TAOK3: variants seen among roughly 807,000 people sequenced by gnomAD.
The protein encoded by TAOK3 is serine/threonine-protein kinase TAO3.
TAOK3 carries 40 observed loss-of-function variants against 120.4 expected under a neutral mutation model. That is an observed-to-expected ratio of 0.33 (90% confidence interval 0.26 to 0.43). The LOEUF (loss-of-function observed/expected upper bound fraction) is 0.43, where lower values mean the gene tolerates loss of function less well. Among genes scored for constraint, TAOK3 ranks in the 20% least tolerant of loss-of-function variants. The pLI is 1.00. For synonymous variants in TAOK3, 355 were observed against 387.5 expected, an observed-to-expected ratio of 0.92 and a Z score of 0.99; for missense variants, 821 against 1,112.1, an observed-to-expected ratio of 0.74 and a Z score of 3.72.
At chr12:118,151,208 A>G in intron 20 of TAOK3, 50 bp from the exon 21 acceptor site, 2 of 1,593,506 alleles carry the variant, frequency 1.3e-6, no homozygotes, top group African/African-American at 1.3e-5. Flanking sequence ...CCTAACAGGC[A>G]CCCACGTGCA....
chr12:118,182,625 T>TATATA (rs35580550), intron 14 of TAOK3, among the ~76,000 whole-genome samples: 663 of 56,708 alleles, frequency 0.012, 1 homozygote, highest in Non-Finnish European at 0.016. Flanking sequence ...ATATATATAT[T>TATATA]TTTTTTTTTT....
chr12:118,244,687 C>G (rs11068882), intron 4 of TAOK3, among the ~76,000 whole-genome samples: 4,502 of 151,872 alleles, frequency 0.03, 187 homozygotes, highest in African/African-American at 0.093. Flanking sequence ...CGCCACCACG[C>G]CCGGCTAATT....
At position 118,160,120 on chromosome 12, in the gene TAOK3, C is replaced by G; in HGVS notation, c.2352+26G>C. 1 of 1,562,518 alleles carries G rather than the reference C, an allele frequency of 6.4e-7. No individual in the cohort carries two copies. The highest frequency in any genetic ancestry group is 1.7e-4 in the Middle Eastern group (1 of 5,956). ...TTCTTGATTCCCAAAGCTCTCGAAG[C>G]CGTGGCACCAAACCTAACCACTTAC... On this transcript the variant is annotated intron_variant, in intron 19 of 20. Coordinates refer to ENST00000392533, the MANE Select transcript of TAOK3 (RefSeq NM_016281.4). This position sits in a 1 kb window ranked among gnomAD's most constrained non-coding sequence, Gnocchi z 4.2.
intron 5 of TAOK3, among the ~76,000 whole-genome samples, chr12:118,241,035 T>C (rs1020031577): frequency 3.3e-5 from 5 of 149,396 alleles, no homozygotes; most frequent in African/African-American, 2.4e-5. Flanking sequence ...GTCTATATTA[T>C]ATAGAATGCA....
Position 118,173,160 on chromosome 12 carries a change from C to T in TAOK3, c.1696-500G>A, listed in dbSNP as rs185245477. On this transcript the variant is annotated intron_variant, in intron 16 of 20. Transcript: ENST00000392533. ...AGAAAAATTATTCAGAGTTAACCAGCGGAAAAGGAAAGGGAAGAATACTCT... is the reference window on the plus strand; with the variant it reads ...AGAAAAATTATTCAGAGTTAACCAGTGGAAAAGGAAAGGGAAGAATACTCT... Among the ~76,000 whole-genome samples, 5 of 151,980 alleles carry T rather than the reference C, an allele frequency of 3.3e-5. No homozygotes were observed. The East Asian group carries it at 5.8e-4, about 18-fold the overall frequency.
At chr12:118,166,915 C>T (rs149576263) in intron 17 of TAOK3, among the ~76,000 whole-genome samples, 2 of 151,800 alleles carry the variant, frequency 1.3e-5, no homozygotes, top group East Asian at 1.9e-4. Flanking sequence ...CATGCAGCTT[C>T]CTTTCCCTCG....
chr12:118,178,059 G>T (rs1390265247), intron 15 of TAOK3, among the ~76,000 whole-genome samples: 1 of 152,028 alleles, frequency 6.6e-6, no homozygotes, highest in Non-Finnish European at 1.5e-5. Context: ...CGATCCTCCT[G>T]CCTCAGCCTC....
At chr12:118,262,886 C>G (rs2041294756) in intron 2 of TAOK3, among the ~76,000 whole-genome samples, 2 of 150,840 alleles carry the variant, frequency 1.3e-5, no homozygotes, top group African/African-American at 4.9e-5. Context: ...TATATAAGAC[C>G]TGTACACTGA....
At chr12:118,308,921 A>G in intron 1 of TAOK3, among the ~76,000 whole-genome samples, 1 of 118,748 alleles carries the variant, frequency 8.4e-6, no homozygotes. Context: ...CAGCAGCGAA[A>G]CTCTGTCTCC....
At chr12:118,369,956 C>A (rs1339517735) in intron 1 of TAOK3, among the ~76,000 whole-genome samples, 6 of 151,984 alleles carry the variant, frequency 3.9e-5, no homozygotes, top group African/African-American at 1.5e-4. Context: ...CTCACTGCAA[C>A]CTCTGACTCC....
At chr12:118,366,259 A>C (rs914099780) in intron 1 of TAOK3, among the ~76,000 whole-genome samples, 9 of 152,094 alleles carry the variant, frequency 5.9e-5, no homozygotes, top group Non-Finnish European at 1.3e-4. Context: ...GCGAGACTCA[A>C]TCTCAAAAAA....
chr12:118,210,936 G>A (rs1185684647), intron 11 of TAOK3, among the ~76,000 whole-genome samples: 3 of 151,708 alleles, frequency 2.0e-5, no homozygotes, highest in South Asian at 4.2e-4. Flanking sequence ...ACGGGGTTTC[G>A]CCATGTTGGC....
intron 1 of TAOK3, among the ~76,000 whole-genome samples, chr12:118,324,734 CTTTTTTTTTTTTTTTTTTTT>C (rs35462737): frequency 2.9e-5 from 2 of 69,644 alleles, no homozygotes; most frequent in African/African-American, 1.2e-4. Context: ...GAATTTCATT[CTTTTTTTTTTTTTTTTTTTT>C]TTTTTTTTGA....
At chr12:118,278,746 C>T (rs1175396691) in intron 1 of TAOK3, among the ~76,000 whole-genome samples, 2 of 152,192 alleles carry the variant, frequency 1.3e-5, no homozygotes, top group Non-Finnish European at 2.9e-5. Context: ...AACTAATTTA[C>T]ATTCCCAGCA....
At chr12:118,246,340 T>C (rs960871187) in intron 3 of TAOK3, 24 of 1,606,662 alleles carry the variant, frequency 1.5e-5, no homozygotes, top group Non-Finnish European at 2.0e-5. Context: ...CTCTTCTCCC[T>C]GCCCATTAAG....
intron 1 of TAOK3, among the ~76,000 whole-genome samples, chr12:118,318,556 G>A (rs1010744347): frequency 2.0e-5 from 3 of 152,122 alleles, no homozygotes; most frequent in Non-Finnish European, 4.4e-5. Flanking sequence ...TGTAAGAATA[G>A]TTTTTAGCAA....
intron 1 of TAOK3, among the ~76,000 whole-genome samples, chr12:118,317,497 C>T (rs1294593197): frequency 6.6e-6 from 1 of 151,824 alleles, no homozygotes; most frequent in African/African-American, 2.4e-5. Flanking sequence ...ACGGGTTTCA[C>T]CGTGTTAGCC....
At chr12:118,361,121 G>A (rs1472827281) in intron 1 of TAOK3, among the ~76,000 whole-genome samples, 2 of 152,102 alleles carry the variant, frequency 1.3e-5, no homozygotes, top group Non-Finnish European at 2.9e-5. Flanking sequence ...TATCAGCATC[G>A]AAGCAAAACA....
chr12:118,150,981 G>A lies in TAOK3; in HGVS notation c.*16C>T, dbSNP rs780495169. 2.7e-6 allele frequency: 3 copies of A among 1,100,976 alleles called. No individual in the cohort carries two copies. The highest frequency in any genetic ancestry group is 2.9e-5 in the Admixed American group (1 of 34,440). 68.2% of individuals were successfully genotyped at this position (1,100,976 alleles called of 1,614,324 possible). A position where few individuals can be genotyped will look rare whatever the true frequency, so the allele number is the denominator to read the frequency against. On this transcript the variant is annotated 3_prime_UTR_variant, in exon 21 of 21. Coordinates refer to ENST00000392533, the MANE Select transcript of TAOK3 (RefSeq NM_016281.4). The stretch of plus-strand genomic sequence containing the variant: ...CTTTTTTTTTTTTTTTTTTGTAAAT[G>A]GCAAAAAATTTAATCTCATCTGTAG...
Sources: gnomAD v4.1 joint callset for allele counts (sites outside exome capture counted in the v4.1 genomes callset) on GRCh38, gnomAD v4.1.1 for gene constraint, Gnocchi (gnomAD v3.1) non-coding constraint, MANE v1.5 for transcripts, NCBI Gene and HGNC (gene_info 2026-07-23, HGNC 2026-07-21) for gene names.